Variants in ARSB observed in about 807,000 individuals in gnomAD.
ARSB encodes the protein N-acetylgalactosamine-4-sulfatase.
In ARSB, 41 loss-of-function variants were observed where a neutral mutation model predicts 50.9. That is an observed-to-expected ratio of 0.81 (90% CI 0.63 to 1.04). The LOEUF (loss-of-function observed/expected upper bound fraction) is 1.04, where lower values mean the gene tolerates loss of function less well. Ranked by LOEUF, ARSB falls within the 50% of genes least tolerant of loss-of-function variation. ARSB has a pLI of 0.00. For synonymous variants in ARSB, 269 were observed against 284.8 expected, an observed-to-expected ratio of 0.94 and a Z score of 0.56; for missense variants, 672 against 693.3, an observed-to-expected ratio of 0.97 and a Z score of 0.35.
chr5:78,902,492 G>C (rs566654837), intron 4 of ARSB, among the ~76,000 whole-genome samples: 1 of 152,164 alleles, frequency 6.6e-6, no homozygotes, highest in African/African-American at 2.4e-5. Flanking sequence ...CAAAAAAGTA[G>C]GAACAACCCA....
intron 6 of ARSB, among the ~76,000 whole-genome samples, chr5:78,800,288 A>C (rs563166304): frequency 3.3e-5 from 5 of 151,536 alleles, no homozygotes; most frequent in African/African-American, 1.2e-4. Context: ...ACTGCACTCC[A>C]GCCCGGGTGA....
chr5:78,840,908 C>A lies in ARSB; in HGVS notation c.1143-1482G>T, dbSNP rs73124609. On this transcript the variant is annotated intron_variant, in intron 5 of 7. Transcript: ENST00000264914. ...AGGAACTACGGTTTGATCCCAGAAG[C>A]TCTGAATGGAAGTAGAAATGATATG... 7.5e-3 allele frequency among the ~76,000 whole-genome samples: 1,137 copies of A among 152,244 alleles called. 18 individuals carry two copies. The highest frequency in any genetic ancestry group is 0.026 in the African/African-American group (1,091 of 41,532).
At chr5:78,852,544 C>G (rs1429647207) in intron 5 of ARSB, among the ~76,000 whole-genome samples, 1 of 152,084 alleles carries the variant, frequency 6.6e-6, no homozygotes, top group African/African-American at 2.4e-5. Flanking sequence ...CTTGGAGTTG[C>G]TCTTCTCGAG....
At chr5:78,804,665 G>A (rs1247006612) in intron 6 of ARSB, among the ~76,000 whole-genome samples, 3 of 152,208 alleles carry the variant, frequency 2.0e-5, no homozygotes, top group African/African-American at 7.2e-5. Context: ...AGCCTGGAGA[G>A]GAGACAAAAA....
chr5:78,964,536 T>C lies in ARSB; in HGVS notation c.570A>G (p.Thr190=), dbSNP rs148138805. The C allele has an allele frequency of 1.1e-4, 172 of 1,614,044 alleles. No individual in the cohort carries two copies. The African/African-American group carries it at 1.9e-3, about 18-fold the overall frequency. ...CATCTCGAAAATCAAGAGCACATCGTGTGACATTCAGAGCGTCAATTAATG... is the reference window on the plus strand; with the variant it reads ...CATCTCGAAAATCAAGAGCACATCGCGTGACATTCAGAGCGTCAATTAATG... ...RCTLIDALNV[T]RCALDFRDGE... Residue 190 remains threonine, a synonymous_variant, in exon 3 of 8, where the codon ACA becomes ACG. Transcript: ENST00000264914.
chr5:78,887,534 T>C (rs2112219714), intron 4 of ARSB, among the ~76,000 whole-genome samples: 2 of 152,336 alleles, frequency 1.3e-5, no homozygotes, highest in Middle Eastern at 6.8e-3. Flanking sequence ...TCATGTATTA[T>C]GATGGAAATG....
chr5:78,815,462 G>A, intron 6 of ARSB: 1 of 875,250 alleles, frequency 1.1e-6, no homozygotes, highest in Non-Finnish European at 1.4e-6. Context: ...GCCAGAAAGT[G>A]TGACTTGGCA....
At chr5:78,841,934 G>A (rs907670774) in intron 5 of ARSB, among the ~76,000 whole-genome samples, 4 of 152,142 alleles carry the variant, frequency 2.6e-5, no homozygotes, top group African/African-American at 9.7e-5. Context: ...TGATAAGGAT[G>A]TGGTTAGAGA....
At chr5:78,866,721 G>C (rs12658374) in intron 5 of ARSB, among the ~76,000 whole-genome samples, 18,993 of 152,188 alleles carry the variant, frequency 0.12, 1,471 homozygotes, top group East Asian at 0.18. Flanking sequence ...GGATGGTAAA[G>C]GGAAGGAAGG....
At chr5:78,883,029 C>T (rs1374462729) in intron 5 of ARSB, 1 of 152,008 alleles carries the variant, frequency 6.6e-6, no homozygotes, top group African/African-American at 2.4e-5. Context: ...GGTGGTCCAC[C>T]CACCTCAGTC....
chr5:78,909,618 GCCATTCT>G (rs1380737492), intron 4 of ARSB, among the ~76,000 whole-genome samples: 22 of 152,264 alleles, frequency 1.4e-4, no homozygotes, highest in African/African-American at 5.3e-4. Flanking sequence ...AAAAGTCATC[GCCATTCT>G]CCATTCTCGA....
intron 1 of ARSB, among the ~76,000 whole-genome samples, chr5:78,982,364 C>G (rs1388960800): frequency 2.0e-5 from 3 of 152,142 alleles, no homozygotes; most frequent in Non-Finnish European, 4.4e-5. Flanking sequence ...ATAGGCAATT[C>G]CTAACTCAGA....
At chr5:78,824,186 A>G (rs1744343190) in intron 6 of ARSB, among the ~76,000 whole-genome samples, 2 of 152,224 alleles carry the variant, frequency 1.3e-5, no homozygotes, top group South Asian at 4.1e-4. Context: ...TACAGCCTGC[A>G]GAATCATGAG....
chr5:78,781,323 CTTTTTTTT>C (rs376851173), intron 7 of ARSB, among the ~76,000 whole-genome samples: 76 of 75,356 alleles, frequency 1.0e-3, no homozygotes, highest in African/African-American at 2.8e-3. Context: ...CTCTCTCTCT[CTTTTTTTT>C]TTTTTTTTTT....
intron 5 of ARSB, among the ~76,000 whole-genome samples, chr5:78,852,551 C>T (rs9800277): frequency 0.13 from 19,150 of 151,782 alleles, 1,440 homozygotes; most frequent in Middle Eastern, 0.21. Context: ...TTGCTCTTCT[C>T]GAGGAGTATC....
chr5:78,921,872 C>T (rs10045962), intron 4 of ARSB, among the ~76,000 whole-genome samples: 50,629 of 151,942 alleles, frequency 0.33, 8,476 homozygotes, highest in Middle Eastern at 0.39. Flanking sequence ...CCAGTAGCAG[C>T]TGCGTGGCAC....
At chr5:78,807,429 T>G (rs1180067509) in intron 6 of ARSB, among the ~76,000 whole-genome samples, 1 of 152,170 alleles carries the variant, frequency 6.6e-6, no homozygotes, top group Non-Finnish European at 1.5e-5. Context: ...ACATTTCTCT[T>G]CTACAACCTC....
chr5:78,871,550 A>T (rs1747177384), intron 5 of ARSB, among the ~76,000 whole-genome samples: 1 of 149,730 alleles, frequency 6.7e-6, no homozygotes. Context: ...AACCTGAGAA[A>T]AACAAGCTAT....
Position 78,777,277 on chromosome 5 carries a change from C to T in ARSB, c.*3120G>A, listed in dbSNP as rs574327325. ...GCTTTACTGAGATATAATTTATGTA[C>T]TATAAAGTTGGTTGACACATTTAAA... is the stretch of plus-strand genomic sequence containing the variant. On this transcript the variant is annotated 3_prime_UTR_variant, in exon 8 of 8. Transcript: ENST00000264914. 9.9e-5 allele frequency: 15 copies of T among 152,246 alleles called. No individual in the cohort carries two copies. The highest frequency in any genetic ancestry group is 3.6e-4 in the African/African-American group (15 of 41,496). 9.4% of individuals were successfully genotyped at this position (152,246 alleles called of 1,614,324 possible).
Sources: allele counts gnomAD v4.1 joint callset (sites outside exome capture counted in the v4.1 genomes callset), GRCh38; gene constraint gnomAD v4.1.1; transcripts MANE v1.5; gene names NCBI Gene and HGNC (gene_info 2026-07-23, HGNC 2026-07-21).